ARPC2: variants seen among roughly 807,000 people sequenced by gnomAD.
ARPC2 encodes actin-related protein 2/3 complex subunit 2.
Under a neutral mutation model 38.6 loss-of-function variants are expected in ARPC2, and 4 were observed. The observed-to-expected ratio is 0.10, with a 90% CI of 0.05 to 0.24. ARPC2 has a LOEUF of 0.24. Among genes scored for constraint, ARPC2 ranks in the 10% least tolerant of loss-of-function variants. The pLI, the probability that ARPC2 is intolerant of heterozygous loss-of-function variation, is 1.00. For missense variants in ARPC2, 229 were observed against 387.3 expected (o/e 0.59, Z 3.43); for synonymous variants, 125 against 140.8 (o/e 0.89, Z 0.79).
In ARPC2 at chr2:218,239,478, C is replaced by T. The variant is rs749218714; in HGVS notation, c.543C>T (p.Phe181=). ...DDDDVVIGKV[F]MQEFKEGRRA... is the part of the protein sequence containing the mutation. ...ACGATGTGGTCATTGGAAAGGTGTT[C>T]ATGCAGGTATGGAGCAGACATCTTG... The change falls in exon 7 of 11, where the codon TTC becomes TTT. Residue 181 remains phenylalanine (F), a synonymous_variant. Transcript: ENST00000315717. 6.2e-7 allele frequency: 1 copy of T among 1,613,278 alleles called. No homozygotes were observed. The highest frequency in any genetic ancestry group is 1.7e-5 in the Admixed American group (1 of 60,006).
chr2:218,244,904 T>C (rs1689995130), intron 7 of ARPC2, among the ~76,000 whole-genome samples: 1 of 152,256 alleles, frequency 6.6e-6, no homozygotes. Context: ...CTTGTCTATT[T>C]ACATAGGAAT....
chr2:218,234,878 G>A (rs987384244), intron 5 of ARPC2: 1 of 456,612 alleles, frequency 2.2e-6, no homozygotes, highest in Non-Finnish European at 4.4e-6. Flanking sequence ...AACATTCATG[G>A]CCAGAGGAAT....
intron 2 of ARPC2, among the ~76,000 whole-genome samples, chr2:218,218,966 T>C (rs893691890): frequency 1.3e-5 from 2 of 152,250 alleles, no homozygotes; most frequent in African/African-American, 4.8e-5. Flanking sequence ...TTCAAATGAA[T>C]CAGCCCAGAG....
Position 218,249,415 on chromosome 2 carries a change from T to A in ARPC2, c.728T>A (p.Leu243Gln). ...NASARDNTIN[L>Q]IHTFRDYLHY... ...AGTGCTCGAGACAACACCATCAACC[T>A]GATCCACACGTTCCGGGACTACCTG... Residue 243 changes from leucine to glutamine, a missense_variant, in exon 9 of 11, where the codon CTG becomes CAG. This residue lies in a region of ARPC2 where 92 missense variants were observed against 152.3 expected (regional missense o/e 0.60). Transcript: ENST00000315717. 1 of 1,613,418 alleles carries A rather than the reference T, an allele frequency of 6.2e-7. No homozygotes were observed.
chr2:218,234,137 C>A, intron 4 of ARPC2: 1 of 426,518 alleles, frequency 2.3e-6, no homozygotes, highest in Non-Finnish European at 4.2e-6. Flanking sequence ...CCATTGCACT[C>A]TGTCCCAGGC....
At chr2:218,228,574 C>G (rs1276317700) in intron 3 of ARPC2, among the ~76,000 whole-genome samples, 164 bp from the exon 4 acceptor site, 1 of 152,194 alleles carries the variant, frequency 6.6e-6, no homozygotes, top group African/African-American at 2.4e-5. Context: ...GCAATTCTAT[C>G]CCAGTGTTTC....
intron 2 of ARPC2, among the ~76,000 whole-genome samples, chr2:218,220,060 A>C (rs1200030731): frequency 2.0e-5 from 3 of 152,174 alleles, no homozygotes; most frequent in Non-Finnish European, 4.4e-5. Context: ...CCCAGGCAGC[A>C]ACAGAAAAAA....
intron 10 of ARPC2, among the ~76,000 whole-genome samples, chr2:218,250,993 G>A (rs766309229): frequency 3.3e-5 from 5 of 151,620 alleles, no homozygotes; most frequent in South Asian, 4.2e-4. Context: ...ACACCACCAC[G>A]CCCGGCTAAT....
chr2:218,227,593 AT>A (rs113665206), intron 3 of ARPC2, among the ~76,000 whole-genome samples: 3,213 of 132,028 alleles, frequency 0.024, 105 homozygotes, highest in African/African-American at 0.08. Context: ...CACCCGGCTA[AT>A]TTTTTTTTTT....
At chr2:218,220,778 C>T (rs1689365226) in intron 2 of ARPC2, among the ~76,000 whole-genome samples, 1 of 151,968 alleles carries the variant, frequency 6.6e-6, no homozygotes, top group Non-Finnish European at 1.5e-5. Flanking sequence ...TTGACAAAGC[C>T]TAAGGTTCAT....
intron 10 of ARPC2, among the ~76,000 whole-genome samples, chr2:218,251,770 G>A (rs1313943264): frequency 1.3e-5 from 2 of 152,104 alleles, no homozygotes; most frequent in East Asian, 3.9e-4. Flanking sequence ...CAGTACTCTT[G>A]AGGCAAAGTT....
At chr2:218,227,477 G>A (rs930501691) in intron 3 of ARPC2, among the ~76,000 whole-genome samples, 5 of 152,110 alleles carry the variant, frequency 3.3e-5, no homozygotes, top group Non-Finnish European at 5.9e-5. Flanking sequence ...AGGCTGGAGT[G>A]CAGTGGCGTT....
At chr2:218,250,052 A>G (rs576671603) in intron 10 of ARPC2, 131 bp downstream of exon 10, 11 of 720,386 alleles carry the variant, frequency 1.5e-5, no homozygotes, top group Non-Finnish European at 2.5e-5. Context: ...GGCTAAGTAG[A>G]TAAACCAAAG....
At chr2:218,228,189 G>T (rs1689549445) in intron 3 of ARPC2, among the ~76,000 whole-genome samples, 1 of 152,108 alleles carries the variant, frequency 6.6e-6, no homozygotes, top group South Asian at 2.1e-4. Flanking sequence ...CAGATCATGA[G>T]GTCAGGAGTT....
At position 218,228,928 on chromosome 2, in the gene ARPC2, T is replaced by C. The variant is rs1689568718; in HGVS notation, c.222+78T>C. 3 of 941,668 alleles carry C rather than the reference T, an allele frequency of 3.2e-6. 1 individual carries two copies. The South Asian group carries it at 4.1e-5, about 13-fold the overall frequency. The allele number at this position is 941,668 out of a possible 1,614,324, so 58.3% of individuals were successfully genotyped here. On this transcript the variant is annotated intron_variant, in intron 4 of 10. Coordinates refer to ENST00000315717, the MANE Select transcript of ARPC2 (RefSeq NM_152862.3). ...CAGTTTGCCATTCATGGAAGATCCATGGCACTAAATCACCCCCACATGACT... is the reference window on the plus strand; with the variant it reads ...CAGTTTGCCATTCATGGAAGATCCACGGCACTAAATCACCCCCACATGACT...
At chr2:218,238,984 C>A in intron 6 of ARPC2, 134 bp downstream of exon 6, 1 of 745,470 alleles carries the variant, frequency 1.3e-6, no homozygotes, top group Non-Finnish European at 2.2e-6. Context: ...TGTCTTAAGC[C>A]AGGAAGTAGA....
chr2:218,237,741 G>C (rs1049022910), intron 5 of ARPC2, among the ~76,000 whole-genome samples: 1 of 150,928 alleles, frequency 6.6e-6, no homozygotes, highest in African/African-American at 2.4e-5. Context: ...TAATATTTGT[G>C]ATTTTAGTAG....
intron 10 of ARPC2, among the ~76,000 whole-genome samples, chr2:218,251,451 A>G (rs1690188371): frequency 6.6e-6 from 1 of 151,872 alleles, no homozygotes; most frequent in Non-Finnish European, 1.5e-5. Context: ...TGACCTCGTG[A>G]TCCACCTACC....
intron 2 of ARPC2, among the ~76,000 whole-genome samples, chr2:218,222,368 A>G (rs1689402368): frequency 6.6e-6 from 1 of 152,206 alleles, no homozygotes; most frequent in African/African-American, 2.4e-5. Flanking sequence ...TACAGTTGCC[A>G]GAAGCCCTTT....
Sources: allele counts gnomAD v4.1 joint callset (sites outside exome capture counted in the v4.1 genomes callset), GRCh38; gene constraint gnomAD v4.1.1; regional missense constraint gnomAD v4.1.1; transcripts MANE v1.5; gene names NCBI Gene and HGNC (gene_info 2026-07-23, HGNC 2026-07-21).